The following ZNF225 variants were observed in gnomAD, a reference collection of about 807,000 sequenced individuals.
ZNF225 encodes the protein zinc finger protein 225.
ZNF225 carries 6 observed loss-of-function variants against 12.0 expected under a neutral mutation model. That is an observed-to-expected ratio of 0.50 (90% CI 0.27 to 0.98). The LOEUF is 0.98. Among genes scored for constraint, ZNF225 ranks in the 50% least tolerant of loss-of-function variants. The pLI, the probability that ZNF225 is intolerant of heterozygous loss-of-function variation, is 0.11. For missense variants in ZNF225, 763 were observed against 848.2 expected (o/e 0.90, Z 1.25); for synonymous variants, 271 against 283.2 (o/e 0.96, Z 0.43).
At chr19:44,121,629 C>T (rs935963646) in intron 4 of ZNF225, among the ~76,000 whole-genome samples, 1 of 152,144 alleles carries the variant, frequency 6.6e-6, no homozygotes, top group Non-Finnish European at 1.5e-5. Context: ...AGAAGTGTTC[C>T]CTGAACAACA....
chr19:44,132,094 A>C lies in ZNF225; in HGVS notation c.1480A>C (p.Thr494Pro), dbSNP rs775727095. 6.2e-7 allele frequency: 1 copy of C among 1,614,042 alleles called. No homozygotes were observed. The highest frequency in any genetic ancestry group is 1.3e-5 in the African/African-American group (1 of 75,006). ...ATGTGAAGAATGTGGGAAAAGATTTACTCAGAATTCACAACTTTATACCCA... is the reference window on the plus strand; with the variant it reads ...ATGTGAAGAATGTGGGAAAAGATTTCCTCAGAATTCACAACTTTATACCCA... Reference protein sequence around the residue: ...FKCEECGKRFTQNSQLYTHRR... With the variant: ...FKCEECGKRFPQNSQLYTHRR... The change falls in exon 5 of 5, where the codon ACT (threonine) becomes CCT (proline). Residue 494 changes from threonine to proline, a missense_variant. Transcript: ENST00000262894.
chr19:44,115,791 C>T lies in ZNF225; in HGVS notation c.-37C>T, dbSNP rs749325111. ...TTCTGCTTTCCCTTGGACTGTATCA[C>T]TCAGGACTCTGAATATTCCCTGAAA... On this transcript the variant is annotated 5_prime_UTR_variant, in exon 2 of 5. Transcript: ENST00000262894. 6.8e-6 allele frequency: 11 copies of T among 1,610,724 alleles called. No individual in the cohort carries two copies. In the Admixed American group the frequency reaches 1.8e-4, roughly 27 times the overall value.
intron 4 of ZNF225, among the ~76,000 whole-genome samples, chr19:44,127,326 G>A (rs535692152): frequency 3.9e-5 from 6 of 152,380 alleles, no homozygotes; most frequent in African/African-American, 1.4e-4. Flanking sequence ...CAGTGAGGGT[G>A]TGTGTTCAGT....
chr19:44,113,000 C>A (rs1053295172), upstream of ZNF225: 1 of 152,194 alleles, frequency 6.6e-6, no homozygotes, highest in African/African-American at 2.4e-5. Context: ...TTCACATTCC[C>A]CACTAGGCAG....
chr19:44,117,584 A>G (rs535062559), intron 2 of ZNF225, among the ~76,000 whole-genome samples: 1 of 152,352 alleles, frequency 6.6e-6, no homozygotes, highest in African/African-American at 2.4e-5. Context: ...AGGATGCTGC[A>G]TTTAGAGTCC....
At chr19:44,126,058 G>C (rs1968140964) in intron 4 of ZNF225, among the ~76,000 whole-genome samples, 2 of 151,936 alleles carry the variant, frequency 1.3e-5, no homozygotes, top group African/African-American at 4.8e-5. Flanking sequence ...ATTTCTTCTT[G>C]GTTTGGATCC....
upstream of ZNF225, among the ~76,000 whole-genome samples, chr19:44,112,534 A>AT (rs1201391990): frequency 6.6e-6 from 1 of 152,164 alleles, no homozygotes; most frequent in Non-Finnish European, 1.5e-5. Context: ...CCTCAAAAAT[A>AT]TTTTTTAAAT....
Position 44,131,345 on chromosome 19 carries a change from G to A in ZNF225, c.731G>A (p.Arg244Lys). 6.2e-7 allele frequency: 1 copy of A among 1,614,122 alleles called. No individual in the cohort carries two copies. Among genetic ancestry groups the A allele is most frequent in the Non-Finnish European group, 8.5e-7 (1 of 1,180,018 alleles). Residue 244 changes from arginine to lysine, a missense_variant, in exon 5 of 5, where the codon AGA becomes AAA. By Grantham distance (26) the Arg-to-Lys change is conservative. Transcript: ENST00000262894. ...CEQCGKGFSR[R>K]SGLYVHRKLH... is the part of the protein sequence containing the mutation. ...CAGTGTGGGAAAGGCTTTAGTCGTA[G>A]ATCAGGACTTTATGTTCATCGTAAA...
chr19:44,123,422 A>G (rs1326042626), intron 4 of ZNF225, among the ~76,000 whole-genome samples: 4 of 152,028 alleles, frequency 2.6e-5, no homozygotes, highest in Non-Finnish European at 4.4e-5. Flanking sequence ...TTTAGCATCA[A>G]TGTTCATCAA....
intron 1 of ZNF225, among the ~76,000 whole-genome samples, chr19:44,115,221 T>A (rs1251100983): frequency 1.3e-5 from 2 of 152,182 alleles, no homozygotes; most frequent in African/African-American, 4.8e-5. Context: ...CTACATATCA[T>A]AGAAACTACC....
At chr19:44,119,032 G>A (rs1392547477) in intron 4 of ZNF225, among the ~76,000 whole-genome samples, 1 of 152,132 alleles carries the variant, frequency 6.6e-6, no homozygotes, top group African/African-American at 2.4e-5. Flanking sequence ...TAGCCAGGAT[G>A]GTCTCGATCT....
intron 1 of ZNF225, chr19:44,114,172 C>T: frequency 9.9e-7 from 1 of 1,006,256 alleles, no homozygotes; most frequent in Non-Finnish European, 1.5e-6. Flanking sequence ...TCCAAAAGAG[C>T]TGCAGGGAGG....
intron 4 of ZNF225, 25 bp downstream of exon 4, chr19:44,118,599 C>G: frequency 6.2e-7 from 1 of 1,600,108 alleles, no homozygotes; most frequent in Middle Eastern, 1.7e-4. Context: ...ACTCTGTGTC[C>G]TTGTGCGTGA....
intron 2 of ZNF225, among the ~76,000 whole-genome samples, chr19:44,117,103 C>T (rs931230366): frequency 1.3e-5 from 2 of 151,902 alleles, no homozygotes; most frequent in Non-Finnish European, 2.9e-5. Flanking sequence ...GCAACAATGA[C>T]AATAATAATA....
chr19:44,132,895 T>TA lies in ZNF225; in HGVS notation c.*161dup, dbSNP rs1968317588. The TA allele has an allele frequency of 4.6e-6, 3 of 653,012 alleles. No homozygotes were observed. The East Asian group carries it at 9.0e-5, about 19-fold the overall frequency. The allele number at this position is 653,012 out of a possible 1,614,324, so 40.5% of individuals were successfully genotyped here. ...CACTGTCCTAGCTATTTGAAAATAA[T>TA]ACGTTGTTAATTACTGTCACCCTGT... On this transcript the variant is annotated 3_prime_UTR_variant, in exon 5 of 5. Coordinates refer to ENST00000262894, the MANE Select transcript of ZNF225 (RefSeq NM_013362.4).
intron 4 of ZNF225, 73 bp from the exon 5 acceptor site, chr19:44,130,777 C>A: frequency 2.2e-6 from 3 of 1,335,288 alleles, no homozygotes; most frequent in Non-Finnish European, 3.1e-6. Context: ...AGGCTATGTC[C>A]TAAGTATGAA....
At position 44,118,326 on chromosome 19, in the gene ZNF225, C is replaced by T. The variant is rs775282283; in HGVS notation, c.142+12C>T. On this transcript the variant is annotated intron_variant, in intron 3 of 4. Transcript: ENST00000262894. ...CCTGCTCTCAGTGGGTGAGGACAGG[C>T]ACCCTTTGTAAGGGAACATCAGGAC... The T allele has an allele frequency of 1.2e-6, 2 of 1,611,166 alleles. No homozygotes were observed. The highest frequency in any genetic ancestry group is 1.1e-5 in the South Asian group (1 of 90,912).
chr19:44,117,377 G>A (rs186150684), intron 2 of ZNF225, among the ~76,000 whole-genome samples: 1 of 152,292 alleles, frequency 6.6e-6, no homozygotes, highest in African/African-American at 2.4e-5. Flanking sequence ...GAGTACACAG[G>A]ATGTACTGTA....
At position 44,134,172 on chromosome 19, in the gene ZNF225, G is replaced by T. The variant is rs1174036287; in HGVS notation, c.*1437G>T. The T allele has an allele frequency of 1.3e-5, 2 of 152,140 alleles. No individual in the cohort carries two copies. Among genetic ancestry groups the T allele is most frequent in the African/African-American group, 4.8e-5 (2 of 41,426 alleles). 9.4% of individuals were successfully genotyped at this position (152,140 alleles called of 1,614,324 possible). A position where few individuals can be genotyped will look rare whatever the true frequency, so the allele number is the denominator to read the frequency against. On this transcript the variant is annotated 3_prime_UTR_variant, in exon 5 of 5. Transcript: ENST00000262894. ...AGGGAATCAGATGTAAATTTGTAAA[G>T]ATCCTTTGTGCATGGAGTAACAGGT...
Sources: allele counts gnomAD v4.1 joint callset (sites outside exome capture counted in the v4.1 genomes callset), GRCh38; gene constraint gnomAD v4.1.1; transcripts MANE v1.5; gene names NCBI Gene and HGNC (gene_info 2026-07-23, HGNC 2026-07-21).